Variants in PINX1 observed in about 807,000 individuals in gnomAD.
PINX1 encodes the protein PIN2/TERF1-interacting telomerase inhibitor 1.
In PINX1, 34 loss-of-function variants were observed where a neutral mutation model predicts 25.4. That is an observed-to-expected ratio of 1.34 (90% CI 1.02 to 1.78). The LOEUF (loss-of-function observed/expected upper bound fraction) is 1.78. Among genes scored for constraint, PINX1 ranks in the 40% most tolerant of loss-of-function variants. PINX1 has a pLI of 0.00. For missense variants in PINX1, 592 were observed against 404.9 expected, an observed-to-expected ratio of 1.46 and a Z score of -3.97; for synonymous variants, 197 against 147.7, an observed-to-expected ratio of 1.33 and a Z score of -2.42.
intron 6 of PINX1, among the ~76,000 whole-genome samples, chr8:10,789,969 C>T (rs187358846): frequency 6.6e-6 from 1 of 152,184 alleles, no homozygotes; most frequent in Non-Finnish European, 1.5e-5. Flanking sequence ...AAAAACCCTA[C>T]AAGCCTAGGG....
intron 6 of PINX1, among the ~76,000 whole-genome samples, chr8:10,772,929 T>A (rs78548863): frequency 1.7e-4 from 9 of 53,770 alleles, no homozygotes; most frequent in South Asian, 5.1e-4. Context: ...TTTTAATGAT[T>A]TTTTTTTTTT....
chr8:10,834,571 C>T (rs994381585), intron 2 of PINX1, 95 bp downstream of exon 2: 12 of 1,474,646 alleles, frequency 8.1e-6, no homozygotes, highest in Non-Finnish European at 9.9e-6. Context: ...TGATCCAAAG[C>T]ATAAGTTTCT....
At chr8:10,791,817 T>A (rs1243342327) in intron 6 of PINX1, among the ~76,000 whole-genome samples, 1 of 152,180 alleles carries the variant, frequency 6.6e-6, no homozygotes, top group East Asian at 1.9e-4. Flanking sequence ...GGCAAAGGAC[T>A]TGCATTTGGC....
chr8:10,781,595 T>C (rs919713290), intron 6 of PINX1, among the ~76,000 whole-genome samples: 5 of 152,114 alleles, frequency 3.3e-5, no homozygotes, highest in African/African-American at 1.2e-4. Context: ...ATGCTCAACA[T>C]CACTAACCAT....
intron 6 of PINX1, among the ~76,000 whole-genome samples, chr8:10,781,281 C>T (rs889115945): frequency 2.0e-5 from 3 of 152,166 alleles, no homozygotes; most frequent in South Asian, 2.1e-4. Flanking sequence ...TTCCTTGACA[C>T]TGCTTTTGGC....
At chr8:10,776,388 G>C (rs957012233) in intron 6 of PINX1, among the ~76,000 whole-genome samples, 7 of 151,980 alleles carry the variant, frequency 4.6e-5, no homozygotes, top group Non-Finnish European at 1.0e-4. Context: ...TCGTGCCACT[G>C]CACTCCGGCC....
chr8:10,815,616 T>C (rs561919830), intron 6 of PINX1, among the ~76,000 whole-genome samples: 4 of 152,310 alleles, frequency 2.6e-5, no homozygotes, highest in South Asian at 4.1e-4. Context: ...ATGTTTTGCA[T>C]GCAATTTAAA....
chr8:10,775,405 T>C (rs2129072259), intron 6 of PINX1, among the ~76,000 whole-genome samples: 1 of 134,090 alleles, frequency 7.5e-6, no homozygotes, highest in East Asian at 2.0e-4. Context: ...TCTGTCTGTT[T>C]TGTGGTTTTT....
At chr8:10,792,682 T>C (rs897452846) in intron 6 of PINX1, among the ~76,000 whole-genome samples, 3 of 152,178 alleles carry the variant, frequency 2.0e-5, no homozygotes, top group Non-Finnish European at 2.9e-5. Context: ...AAGGTATTTT[T>C]AGCATCTTGA....
At chr8:10,825,352 C>T (rs140227707) in intron 5 of PINX1, 69 of 534,722 alleles carry the variant, frequency 1.3e-4, no homozygotes, top group Middle Eastern at 9.5e-4. Flanking sequence ...CAGGAAAGAA[C>T]CATCAACAGA....
chr8:10,810,996 G>C (rs992926445), intron 6 of PINX1, among the ~76,000 whole-genome samples: 4 of 152,234 alleles, frequency 2.6e-5, no homozygotes, highest in South Asian at 4.1e-4. Context: ...TTTCCTATAA[G>C]TTATTATTGG....
intron 6 of PINX1, among the ~76,000 whole-genome samples, chr8:10,788,695 T>A (rs1801828677): frequency 6.6e-6 from 1 of 152,212 alleles, no homozygotes; most frequent in Non-Finnish European, 1.5e-5. Flanking sequence ...GTGGCCTACC[T>A]GAAGCCTGGC....
intron 6 of PINX1, among the ~76,000 whole-genome samples, chr8:10,816,219 C>T (rs1797692167): frequency 6.6e-6 from 1 of 152,166 alleles, no homozygotes; most frequent in Non-Finnish European, 1.5e-5. Flanking sequence ...GTACCAATGC[C>T]AATTTCCTGG....
chr8:10,779,742 T>C (rs950942492), intron 6 of PINX1, among the ~76,000 whole-genome samples: 1 of 152,224 alleles, frequency 6.6e-6, no homozygotes, highest in African/African-American at 2.4e-5. Context: ...AAATCTAATC[T>C]GGCAATATGA....
At chr8:10,811,045 G>A (rs775924594) in intron 6 of PINX1, among the ~76,000 whole-genome samples, 8 of 152,226 alleles carry the variant, frequency 5.3e-5, no homozygotes, top group Non-Finnish European at 5.9e-5. Context: ...TGACTGTGAC[G>A]ACAGTGGTCT....
chr8:10,800,904 C>G (rs1033165265), intron 6 of PINX1, among the ~76,000 whole-genome samples: 6 of 152,226 alleles, frequency 3.9e-5, no homozygotes, highest in African/African-American at 1.4e-4. Flanking sequence ...AATACTGAAG[C>G]ATGCAGATGA....
At chr8:10,770,008 C>T (rs144606330) in intron 6 of PINX1, among the ~76,000 whole-genome samples, 13 of 152,314 alleles carry the variant, frequency 8.5e-5, no homozygotes, top group African/African-American at 1.7e-4. Flanking sequence ...TTTTGGTTTG[C>T]AATTCATATA....
intron 6 of PINX1, among the ~76,000 whole-genome samples, chr8:10,777,766 A>T (rs1328775634): frequency 2.0e-5 from 3 of 152,294 alleles, no homozygotes; most frequent in South Asian, 2.1e-4. Context: ...AGAATGAACC[A>T]CCACTTTCAT....
Position 10,836,020 on chromosome 8 carries a change from G to A in PINX1, c.20-1245C>T, listed in dbSNP as rs553906938. 3.3e-5 allele frequency among the ~76,000 whole-genome samples: 5 copies of A among 152,264 alleles called. No homozygotes were observed. In the South Asian group the frequency reaches 1.0e-3, roughly 32 times the overall value. On this transcript the variant is annotated intron_variant, in intron 1 of 6. Transcript: ENST00000314787. ...GTGGCGAAATGAGAAATTTGGAGGT[G>A]TCATTATCATTTATCTGCCACATCA... is the stretch of plus-strand genomic sequence containing the variant.
Sources: gnomAD v4.1 joint callset for allele counts (sites outside exome capture counted in the v4.1 genomes callset) on GRCh38, gnomAD v4.1.1 for gene constraint, MANE v1.5 for transcripts, NCBI Gene and HGNC (gene_info 2026-07-23, HGNC 2026-07-21) for gene names.